Variants in PLXNA2 observed in about 807,000 individuals in gnomAD.
PLXNA2 encodes plexin-A2.
A neutral mutation model predicts 193.5 loss-of-function variants in PLXNA2; 91 were observed. That is an observed-to-expected ratio of 0.47 (90% CI 0.40 to 0.56). PLXNA2 has a LOEUF of 0.56. Ranked by LOEUF, PLXNA2 falls within the 20% of genes least tolerant of loss-of-function variation. The pLI is 0.00. For missense variants in PLXNA2, 1,995 were observed against 2,503.2 expected (o/e 0.80, Z 4.33); for synonymous variants, 997 against 1,027.3 (o/e 0.97, Z 0.56).
chr1:208,065,553 T>C (rs1361559909), intron 12 of PLXNA2, among the ~76,000 whole-genome samples: 1 of 152,208 alleles, frequency 6.6e-6, no homozygotes, highest in African/African-American at 2.4e-5. Context: ...CACCTCTGTC[T>C]TCCTAGATGA....
rs141264030 is a variant in PLXNA2 at position 208,186,399 on chromosome 1, T to G, written c.1371+23881A>C. 3.3e-5 allele frequency among the ~76,000 whole-genome samples: 5 copies of G among 152,178 alleles called. No homozygotes were observed. The East Asian group carries it at 9.7e-4, about 29-fold the overall frequency. On this transcript the variant is annotated intron_variant, in intron 3 of 31. Coordinates refer to ENST00000367033, the MANE Select transcript of PLXNA2 (RefSeq NM_025179.4). ...AGAATCAACAGAGAAATGTACAAAA[T>G]GTAATTTGGCAAAAAAACAAACAAA...
chr1:208,056,545 T>A (rs1571868910), intron 13 of PLXNA2, among the ~76,000 whole-genome samples: 1 of 152,124 alleles, frequency 6.6e-6, no homozygotes, highest in East Asian at 1.9e-4. Context: ...GTGGAGCTAA[T>A]GATGGGCCAG....
chr1:208,065,610 T>C (rs1415466276), intron 12 of PLXNA2, among the ~76,000 whole-genome samples: 1 of 152,150 alleles, frequency 6.6e-6, no homozygotes, highest in Non-Finnish European at 1.5e-5. Context: ...ATGATGGAAG[T>C]CTTCCTATCC....
intron 1 of PLXNA2, among the ~76,000 whole-genome samples, chr1:208,226,681 C>T (rs1459538827): frequency 6.6e-6 from 1 of 152,198 alleles, no homozygotes; most frequent in Non-Finnish European, 1.5e-5. Context: ...TCCCAGAATT[C>T]CCTTTATTAT....
rs1665368735 is a variant in PLXNA2 at position 208,054,615 on chromosome 1, G to C, written c.2739-77C>G. ...CTGTTCACTTGCTCTCCCAGTCATG[G>C]CAAATGACTCATCACAGTCTTGCAA... On this transcript the variant is annotated intron_variant, in intron 13 of 31. Coordinates refer to ENST00000367033, the MANE Select transcript of PLXNA2 (RefSeq NM_025179.4). The C allele has an allele frequency of 9.4e-6, 9 of 954,666 alleles. No individual in the cohort carries two copies. The East Asian group carries it at 1.9e-4, about 20-fold the overall frequency. 59.1% of individuals were successfully genotyped at this position (954,666 alleles called of 1,614,324 possible).
chr1:208,214,100 G>T (rs73079949), intron 2 of PLXNA2, among the ~76,000 whole-genome samples: 2,026 of 151,688 alleles, frequency 0.013, 53 homozygotes, highest in African/African-American at 0.047. Context: ...CATTGGTTAC[G>T]GCCAGTGGCC....
At chr1:208,036,269 A>G (rs1664667464) in intron 26 of PLXNA2, among the ~76,000 whole-genome samples, 1 of 152,230 alleles carries the variant, frequency 6.6e-6, no homozygotes, top group Non-Finnish European at 1.5e-5. Flanking sequence ...AACAGATTAC[A>G]TTATCATTTA....
rs888647214 is a variant in PLXNA2 at position 208,022,539 on chromosome 1, G to C, written c.*4704C>G. The C allele has an allele frequency of 2.0e-5, 3 of 152,628 alleles. No homozygotes were observed. The highest frequency in any genetic ancestry group is 1.3e-4 in the Admixed American group (2 of 15,280). 9.5% of individuals were successfully genotyped at this position (152,628 alleles called of 1,614,324 possible). A position where few individuals can be genotyped will look rare whatever the true frequency, so the allele number is the denominator to read the frequency against. On this transcript the variant is annotated 3_prime_UTR_variant, in exon 32 of 32. Coordinates refer to ENST00000367033, the MANE Select transcript of PLXNA2 (RefSeq NM_025179.4). ...GTGTCAAGAGGAGTGGGTTTGAGCA[G>C]GAAAAGTTGTGGGGAAAGGCAGGTG...
rs958166606 is a variant in PLXNA2, at chr1:208,028,372, T to C, written c.5439-213A>G. On this transcript the variant is annotated intron_variant, in intron 30 of 31. Transcript: ENST00000367033. The surrounding 1 kb of genome is among the most constrained non-coding windows in gnomAD (Gnocchi z 4.2). ...CAGTAGATTCCATCTAGCCGAGAGC[T>C]CGTGGCTGCGGTGCCCAACAGAGTG... Among the ~76,000 whole-genome samples, 2 of 152,188 alleles carry C rather than the reference T, an allele frequency of 1.3e-5. No homozygotes were observed. The highest frequency in any genetic ancestry group is 4.8e-5 in the African/African-American group (2 of 41,452).
chr1:208,107,357 T>C (rs1667302937), intron 4 of PLXNA2, among the ~76,000 whole-genome samples: 1 of 152,158 alleles, frequency 6.6e-6, no homozygotes, highest in Non-Finnish European at 1.5e-5. Context: ...AAACAGAATA[T>C]CACTCTTCCT....
chr1:208,156,121 T>C (rs1668934869), intron 3 of PLXNA2, among the ~76,000 whole-genome samples: 1 of 152,076 alleles, frequency 6.6e-6, no homozygotes, highest in Admixed American at 6.5e-5. Flanking sequence ...AGGAGGGTTA[T>C]GGATTTCCCA....
chr1:208,033,242 C>A, intron 28 of PLXNA2, 77 bp downstream of exon 28: 1 of 1,350,132 alleles, frequency 7.4e-7, no homozygotes, highest in Non-Finnish European at 1.0e-6. Flanking sequence ...ACACTCCAGA[C>A]ATCCTTTCTG....
rs1671861144 is a variant in PLXNA2, at chr1:208,236,586, A to C, written c.-81+7057T>G. On this transcript the variant is annotated intron_variant, in intron 1 of 31. Coordinates refer to ENST00000367033, the MANE Select transcript of PLXNA2 (RefSeq NM_025179.4). The surrounding 1 kb of genome is among the most constrained non-coding windows in gnomAD (Gnocchi z 4.4). ...GGTAAAAAGACCTGCCCATAGTCACAGAGCAATCACAATCCATAGGCTCCG... is the reference window on the plus strand; with the variant it reads ...GGTAAAAAGACCTGCCCATAGTCACCGAGCAATCACAATCCATAGGCTCCG... 6.6e-6 allele frequency among the ~76,000 whole-genome samples: 1 copy of C among 152,192 alleles called. No individual in the cohort carries two copies.
In PLXNA2 at chr1:208,216,950, C is replaced by T. The variant is rs776513633; in HGVS notation, c.973G>A (p.Ala325Thr). The change falls in exon 2 of 32, where the codon GCC becomes ACC. Residue 325 changes from alanine (A) to threonine (T), a missense_variant. Ala to Thr is a moderately conservative substitution (Grantham distance 58). Transcript: ENST00000367033. ...TCGTCCTGGCTGGTGATATTGAAGG[C>T]CTGGGCCAGTGAGTCCCCAGGCTTG... is the stretch of plus-strand genomic sequence containing the variant. ...LAKPGDSLAQ[A>T]FNITSQDDVL... 64 of 1,613,986 alleles carry T rather than the reference C, an allele frequency of 4.0e-5. No homozygotes were observed. Among genetic ancestry groups the T allele is most frequent in the Non-Finnish European group, 5.3e-5 (63 of 1,180,016 alleles).
intron 3 of PLXNA2, among the ~76,000 whole-genome samples, chr1:208,168,724 G>GTTTTTTTTTTTTTTTT (rs10668701): frequency 1.4e-5 from 1 of 73,196 alleles, no homozygotes; most frequent in Non-Finnish European, 2.3e-5. Flanking sequence ...AGTATGCGGG[G>GTTTTTTTTTTTTTTTT]TTTTTTTTTT....
intron 3 of PLXNA2, among the ~76,000 whole-genome samples, chr1:208,171,774 T>A (rs576530206): frequency 3.5e-4 from 53 of 152,214 alleles, no homozygotes; most frequent in African/African-American, 1.3e-3. Flanking sequence ...GAGGATCGCT[T>A]GAGCCCACGA....
At chr1:208,041,409 G>A (rs554840536) in intron 22 of PLXNA2, among the ~76,000 whole-genome samples, 1 of 152,306 alleles carries the variant, frequency 6.6e-6, no homozygotes, top group African/African-American at 2.4e-5. Flanking sequence ...CCCCTGCCAG[G>A]AAAAATGCAG....
intron 12 of PLXNA2, among the ~76,000 whole-genome samples, chr1:208,062,986 G>A (rs755586289): frequency 6.6e-6 from 1 of 152,146 alleles, no homozygotes; most frequent in Non-Finnish European, 1.5e-5. Flanking sequence ...GCATCAGCAG[G>A]AGACAATTTG....
intron 12 of PLXNA2, 73 bp from the exon 13 acceptor site, chr1:208,060,910 C>G: frequency 6.9e-7 from 1 of 1,456,276 alleles, no homozygotes; most frequent in Non-Finnish European, 9.4e-7. Flanking sequence ...TTCCCCCTCC[C>G]CCAGGGAGGT....
Sources: allele counts gnomAD v4.1 joint callset (sites outside exome capture counted in the v4.1 genomes callset), GRCh38; gene constraint gnomAD v4.1.1; non-coding constraint Gnocchi (gnomAD v3.1); transcripts MANE v1.5; gene names NCBI Gene and HGNC (gene_info 2026-07-23, HGNC 2026-07-21).